Variants in HSP90AA1 observed in about 807,000 individuals in gnomAD.
HSP90AA1 encodes heat shock protein HSP 90-alpha.
In HSP90AA1, 18 loss-of-function variants were observed where a neutral mutation model predicts 73.3. The observed-to-expected ratio is 0.25, with a 90% CI of 0.17 to 0.36. The LOEUF is 0.36. Ranked by LOEUF, HSP90AA1 falls within the 10% of genes least tolerant of loss-of-function variation. The pLI, the probability that HSP90AA1 is intolerant of heterozygous loss-of-function variation, is 1.00. For synonymous variants in HSP90AA1, 477 were observed against 296.9 expected, an observed-to-expected ratio of 1.61 and a Z score of -6.24; for missense variants, 704 against 874.2, an observed-to-expected ratio of 0.81 and a Z score of 2.45.
chr14:102,083,448 T>A, intron 8 of HSP90AA1, 98 bp downstream of exon 8: 4 of 1,416,644 alleles, frequency 2.8e-6, no homozygotes, highest in Non-Finnish European at 4.0e-6. Flanking sequence ...CCTAGATCAA[T>A]ACCAGTTGTA....
intron 1 of HSP90AA1, among the ~76,000 whole-genome samples, chr14:102,132,004 A>C (rs908052704): frequency 9.8e-5 from 15 of 152,326 alleles, no homozygotes; most frequent in Middle Eastern, 3.4e-3. Context: ...CGTGAGGCTA[A>C]GGCAGGAGGA....
upstream of HSP90AA1, among the ~76,000 whole-genome samples, chr14:102,091,605 A>G (rs1387615660): frequency 3.3e-5 from 5 of 151,874 alleles, no homozygotes; most frequent in Non-Finnish European, 7.4e-5. Context: ...CAACCTGGGC[A>G]ACAGAGTGAG....
At chr14:102,089,037 T>C (rs1021323978), upstream of HSP90AA1, among the ~76,000 whole-genome samples, 2 of 151,912 alleles carry the variant, frequency 1.3e-5, no homozygotes, top group African/African-American at 4.8e-5. Context: ...TCTCCTGCCT[T>C]AGCCTCCCGA....
At chr14:102,126,140 C>A (rs113262882) in intron 1 of HSP90AA1, among the ~76,000 whole-genome samples, 2 of 152,214 alleles carry the variant, frequency 1.3e-5, no homozygotes, top group African/African-American at 4.8e-5. Flanking sequence ...AAGCAGAGAG[C>A]ATACCAGGCA....
intron 1 of HSP90AA1, among the ~76,000 whole-genome samples, chr14:102,129,487 G>A (rs2049879878): frequency 6.8e-6 from 1 of 146,944 alleles, no homozygotes; most frequent in Admixed American, 7.0e-5. Context: ...TCTACTTTCT[G>A]TCTCTATACT....
chr14:102,105,206 C>CAAAAAAAA (rs35778744), intron 1 of HSP90AA1, among the ~76,000 whole-genome samples: 1 of 20,838 alleles, frequency 4.8e-5, no homozygotes. Context: ...GAGTCTGTCT[C>CAAAAAAAA]AAAAAAAAAA....
In HSP90AA1 at chr14:102,123,590, G is replaced by A. The variant is rs529994122; in HGVS notation, c.155+15660C>T. 1.5e-3 allele frequency among the ~76,000 whole-genome samples: 229 copies of A among 150,402 alleles called. 1 individual carries two copies. Among genetic ancestry groups the A allele is most frequent in the African/African-American group, 5.6e-3 (227 of 40,890 alleles). On this transcript the variant is annotated intron_variant, in intron 1 of 11. Transcript: ENST00000334701. ...TGCATCTCACTATGTTGTCCAGGCTGGTCTCAAACTCCTAGCCTCAAGGGA... is the reference window on the plus strand; with the variant it reads ...TGCATCTCACTATGTTGTCCAGGCTAGTCTCAAACTCCTAGCCTCAAGGGA...
intron 1 of HSP90AA1, among the ~76,000 whole-genome samples, chr14:102,102,641 C>A (rs753885216): frequency 2.0e-5 from 3 of 152,202 alleles, no homozygotes; most frequent in Admixed American, 1.3e-4. Flanking sequence ...GCCACGCATA[C>A]GACTTGTGAG....
chr14:102,134,945 G>A (rs1165645821), intron 1 of HSP90AA1, among the ~76,000 whole-genome samples: 3 of 152,162 alleles, frequency 2.0e-5, no homozygotes, highest in Non-Finnish European at 4.4e-5. Flanking sequence ...TGATTGGTGC[G>A]TTTACAATCC....
chr14:102,106,970 A>C (rs1357601801), intron 1 of HSP90AA1, among the ~76,000 whole-genome samples: 4 of 152,052 alleles, frequency 2.6e-5, no homozygotes, highest in African/African-American at 7.3e-5. Context: ...AATTTGCCAG[A>C]AATTCTAAGG....
intron 1 of HSP90AA1, among the ~76,000 whole-genome samples, chr14:102,103,521 C>T (rs1391652059): frequency 3.3e-5 from 5 of 151,560 alleles, no homozygotes; most frequent in African/African-American, 9.7e-5. Flanking sequence ...AACCCTATCT[C>T]GGCTGGGTGT....
chr14:102,085,172 T>TA, intron 4 of HSP90AA1, 126 bp downstream of exon 4: 1 of 1,424,616 alleles, frequency 7.0e-7, no homozygotes, highest in Non-Finnish European at 9.9e-7. Context: ...TTTACAGAGT[T>TA]AGGTAGTAGA....
In HSP90AA1 at chr14:102,103,574, G is replaced by T. The variant is rs554131391; in HGVS notation, c.156-1489C>A. Among the ~76,000 whole-genome samples, 12 of 151,734 alleles carry T rather than the reference G, an allele frequency of 7.9e-5. No individual in the cohort carries two copies. The South Asian group carries it at 1.5e-3, about 18-fold the overall frequency. On this transcript the variant is annotated intron_variant, in intron 1 of 11. Coordinates refer to the HSP90AA1 transcript ENST00000334701. ...ATCCCAGTACGTTGGGAGGCCGAGG[G>T]GGGTGGATCACCTGAGGTCAGGAGT...
rs976391279 is a variant in HSP90AA1, at chr14:102,081,425, C to T, written c.*287G>A. The T allele has an allele frequency of 2.4e-6, 1 of 424,476 alleles. No individual in the cohort carries two copies. Among genetic ancestry groups the T allele is most frequent in the Admixed American group, 5.2e-5 (1 of 19,088 alleles). The allele number at this position is 424,476 out of a possible 1,614,324, so 26.3% of individuals were successfully genotyped here. On this transcript the variant is annotated 3_prime_UTR_variant, in exon 11 of 11. Transcript: ENST00000216281. Reference sequence around the variant, plus strand: ...AGGCATCCGGCTTGACAGCTAAACACTTTAGACCACAAAGTTAACATCATG... The same window carrying T: ...AGGCATCCGGCTTGACAGCTAAACATTTTAGACCACAAAGTTAACATCATG...
At chr14:102,095,277 G>A (rs1444736060) in intron 2 of HSP90AA1, among the ~76,000 whole-genome samples, 2 of 152,126 alleles carry the variant, frequency 1.3e-5, no homozygotes, top group Non-Finnish European at 2.9e-5. Flanking sequence ...GAGAGGCCTG[G>A]GGGACAGGAG....
chr14:102,123,327 T>C (rs1437122407), intron 1 of HSP90AA1, among the ~76,000 whole-genome samples: 1 of 151,750 alleles, frequency 6.6e-6, no homozygotes, highest in Non-Finnish European at 1.5e-5. Context: ...TGGGAGGCAG[T>C]AGTGAGCCAA....
In HSP90AA1 at chr14:102,084,695, G is replaced by C. The variant is rs1380877736; in HGVS notation, c.967C>G (p.His323Asp). ...CAGTCACTCACCTTCACTGCCAAGT[G>C]ATCTTCCCAGTCATTGGTCAAGCTC... is the stretch of plus-strand genomic sequence containing the variant. ...YKSLTNDWED[H>D]LAVKHFSVEG... Residue 323 changes from histidine (H) to aspartate (D), a missense_variant, in exon 5 of 11, where the codon CAC becomes GAC. Coordinates refer to ENST00000216281, the MANE Select transcript of HSP90AA1 (RefSeq NM_005348.4). 6.2e-7 allele frequency: 1 copy of C among 1,613,716 alleles called. No individual in the cohort carries two copies. Among genetic ancestry groups the C allele is most frequent in the South Asian group, 1.1e-5 (1 of 91,064 alleles).
Position 102,085,807 on chromosome 14 carries a change from G to A in HSP90AA1, c.480C>T (p.Tyr160=), listed in dbSNP as rs148554342. ...VITKHNDDEQ[Y]AWESSAGGSF... Reference sequence around the variant, plus strand: ...ATCCCCCTGCTGAGGACTCCCAAGCGTACTGCTCATCATCGTTATGTTTGG... The same window carrying A: ...ATCCCCCTGCTGAGGACTCCCAAGCATACTGCTCATCATCGTTATGTTTGG... The change falls in exon 3 of 11, where the codon TAC becomes TAT. Residue 160 remains tyrosine (Y), a synonymous_variant. Transcript: ENST00000216281. 128 of 1,613,858 alleles carry A rather than the reference G, an allele frequency of 7.9e-5. 1 individual carries two copies. In the African/African-American group the frequency reaches 1.5e-3, roughly 19 times the overall value.
At chr14:102,092,056 G>A (rs1595664446) in intron 2 of HSP90AA1, among the ~76,000 whole-genome samples, 1 of 150,358 alleles carries the variant, frequency 6.7e-6, no homozygotes, top group Admixed American at 6.6e-5. Flanking sequence ...AGGTTTTTCA[G>A]ATTTTTTTTG....
Sources: allele counts gnomAD v4.1 joint callset (sites outside exome capture counted in the v4.1 genomes callset), GRCh38; gene constraint gnomAD v4.1.1; transcripts MANE v1.5; gene names NCBI Gene and HGNC (gene_info 2026-07-23, HGNC 2026-07-21).